The following GRIP1 variants were observed in gnomAD, a reference collection of about 807,000 sequenced individuals.
GRIP1 encodes the protein glutamate receptor interacting protein 1, also known as glutamate receptor-interacting protein 1.
In GRIP1, 45 loss-of-function variants were observed where a neutral mutation model predicts 129.9. The ratio of observed to expected loss-of-function variants is 0.35; its 90% CI spans 0.27 to 0.44. GRIP1 has a LOEUF of 0.44. Among genes scored for constraint, GRIP1 ranks in the 20% least tolerant of loss-of-function variants. GRIP1 has a pLI of 1.00. For missense variants in GRIP1, 1,196 were observed against 1,396.8 expected (o/e 0.86, Z 2.29); for synonymous variants, 530 against 520.8 (o/e 1.02, Z -0.24).
chr12:66,855,933 A>G (rs2039994607), intron 1 of GRIP1, among the ~76,000 whole-genome samples: 1 of 151,760 alleles, frequency 6.6e-6, no homozygotes, highest in African/African-American at 2.4e-5. Flanking sequence ...TTGCAATGCA[A>G]AAGACCTGTT....
intron 14 of GRIP1, 51 bp from the exon 15 acceptor site, chr12:66,420,840 C>G: frequency 1.0e-6 from 1 of 978,474 alleles, no homozygotes; most frequent in Non-Finnish European, 1.7e-6. Context: ...TTATTCACCC[C>G]TTACTGTACA....
At chr12:66,367,627 G>A (rs2055229511) in intron 23 of GRIP1, among the ~76,000 whole-genome samples, 1 of 152,188 alleles carries the variant, frequency 6.6e-6, no homozygotes, top group Non-Finnish European at 1.5e-5. Flanking sequence ...AGTGAGATTA[G>A]CATTTGAAAA....
chr12:66,734,370 T>C (rs1250406095), intron 1 of GRIP1, among the ~76,000 whole-genome samples: 1 of 152,180 alleles, frequency 6.6e-6, no homozygotes, highest in East Asian at 1.9e-4. Context: ...TTCTAAATGA[T>C]CAGACCTCCA....
At chr12:66,681,973 A>G (rs1415493361), upstream of GRIP1, among the ~76,000 whole-genome samples, 1 of 152,206 alleles carries the variant, frequency 6.6e-6, no homozygotes, top group Non-Finnish European at 1.5e-5. Flanking sequence ...ACTCTGTTAT[A>G]GGTTTTTGAT....
intron 7 of GRIP1, among the ~76,000 whole-genome samples, chr12:66,489,591 A>G (rs1047955186): frequency 2.6e-5 from 4 of 152,228 alleles, no homozygotes; most frequent in Non-Finnish European, 2.9e-5. Flanking sequence ...CTCCTATTCA[A>G]CATAGTATTG....
intron 1 of GRIP1, among the ~76,000 whole-genome samples, chr12:66,744,467 C>T (rs1179652308): frequency 3.9e-5 from 6 of 152,108 alleles, no homozygotes; most frequent in Admixed American, 3.9e-4. Flanking sequence ...TCCATGAATC[C>T]TCAGCTAGAT....
At chr12:66,886,833 C>A (rs954360140) in intron 1 of GRIP1, among the ~76,000 whole-genome samples, 3 of 152,182 alleles carry the variant, frequency 2.0e-5, no homozygotes, top group Non-Finnish European at 4.4e-5. Context: ...GAAGTGATGG[C>A]AGATACTGAT....
intron 1 of GRIP1, among the ~76,000 whole-genome samples, chr12:66,951,095 C>A (rs2041749525): frequency 6.6e-6 from 1 of 152,156 alleles, no homozygotes; most frequent in Admixed American, 6.5e-5. Context: ...TGTCAAAGAG[C>A]TTATAGTTCC....
chr12:66,682,216 A>G (rs1236133150), upstream of GRIP1, among the ~76,000 whole-genome samples: 1 of 152,142 alleles, frequency 6.6e-6, no homozygotes, highest in East Asian at 1.9e-4. Flanking sequence ...AGAGGGAAAA[A>G]CTAGTGCCTA....
chr12:66,832,468 C>CG, intron 1 of GRIP1, among the ~76,000 whole-genome samples: 1 of 152,090 alleles, frequency 6.6e-6, no homozygotes, highest in African/African-American at 2.4e-5. Flanking sequence ...TTCCATCCTT[C>CG]CTGGGAACCA....
At chr12:67,054,593 G>A (rs751627475) in intron 1 of GRIP1, among the ~76,000 whole-genome samples, 73 of 152,014 alleles carry the variant, frequency 4.8e-4, no homozygotes, top group African/African-American at 1.5e-3. Context: ...GCAAAACCCC[G>A]TTTCTACTAA....
chr12:66,520,181 A>G (rs934849703), intron 5 of GRIP1, among the ~76,000 whole-genome samples: 3 of 152,166 alleles, frequency 2.0e-5, no homozygotes, highest in East Asian at 1.9e-4. Flanking sequence ...AGTATTTTCT[A>G]TTGATCTAAG....
intron 1 of GRIP1, among the ~76,000 whole-genome samples, chr12:66,802,971 A>C (rs919758441): frequency 6.6e-6 from 1 of 152,206 alleles, no homozygotes; most frequent in Non-Finnish European, 1.5e-5. Context: ...ATATCAAATA[A>C]TTACAATTTT....
intron 1 of GRIP1, among the ~76,000 whole-genome samples, chr12:66,929,606 C>G (rs533514441): frequency 6.6e-6 from 1 of 152,290 alleles, no homozygotes; most frequent in South Asian, 2.1e-4. Context: ...CCTGATCCAA[C>G]CTGCCACTCT....
intron 7 of GRIP1, among the ~76,000 whole-genome samples, chr12:66,508,057 TAAAGGGA>T (rs1319495864): frequency 6.6e-6 from 1 of 152,140 alleles, no homozygotes; most frequent in Non-Finnish European, 1.5e-5. Flanking sequence ...AAGTAACAGC[TAAAGGGA>T]AAGACAGAGA....
chr12:66,974,189 G>C (rs966477330), intron 1 of GRIP1, among the ~76,000 whole-genome samples: 1 of 151,990 alleles, frequency 6.6e-6, no homozygotes, highest in African/African-American at 2.4e-5. Context: ...CTCCCAAAGT[G>C]CTGGGATTAC....
intron 1 of GRIP1, among the ~76,000 whole-genome samples, chr12:66,612,062 AAT>A (rs1182823381): frequency 6.6e-6 from 1 of 152,184 alleles, no homozygotes; most frequent in Non-Finnish European, 1.5e-5. Context: ...TAGGAATACT[AAT>A]ATATTTTTTT....
At position 66,562,306 on chromosome 12, in the gene GRIP1, A is replaced by T. The variant is rs73125067; in HGVS notation, c.137-20356T>A. Among the ~76,000 whole-genome samples the T allele has an allele frequency of 2.0e-5, 3 of 152,158 alleles. No homozygotes were observed. In the East Asian group the frequency reaches 5.8e-4, roughly 29 times the overall value. On this transcript the variant is annotated intron_variant, in intron 2 of 24. Transcript: ENST00000359742. ...CTCTGAACCAGTGTCACTGATGTCC[A>T]TATTTTCTATACGATATTGTCCTCA...
At chr12:66,925,643 TTTTG>T (rs1205405671) in intron 1 of GRIP1, among the ~76,000 whole-genome samples, 2 of 152,216 alleles carry the variant, frequency 1.3e-5, no homozygotes, top group East Asian at 3.9e-4. Context: ...ATACCTGTTT[TTTTG>T]TTTGTTTGTT....
Sources: allele counts gnomAD v4.1 joint callset (sites outside exome capture counted in the v4.1 genomes callset), GRCh38; gene constraint gnomAD v4.1.1; transcripts MANE v1.5; gene names NCBI Gene and HGNC (gene_info 2026-07-23, HGNC 2026-07-21).